The following SCAPER variants were observed in gnomAD, a reference collection of about 807,000 sequenced individuals.
SCAPER encodes the protein S phase cyclin A-associated protein in the endoplasmic reticulum.
Under a neutral mutation model 182.2 loss-of-function variants are expected in SCAPER, and 98 were observed. The ratio of observed to expected loss-of-function variants is 0.54; its 90% CI spans 0.46 to 0.64. The LOEUF is 0.64. SCAPER is among the 30% of genes least tolerant of loss of function. The pLI is 0.00. For synonymous variants in SCAPER, 605 were observed against 564.6 expected, an observed-to-expected ratio of 1.07 and a Z score of -1.01; for missense variants, 1,432 against 1,690.0, an observed-to-expected ratio of 0.85 and a Z score of 2.68.
chr15:76,766,042 C>T (rs2063092491), intron 11 of SCAPER, among the ~76,000 whole-genome samples: 1 of 151,912 alleles, frequency 6.6e-6, no homozygotes, highest in Non-Finnish European at 1.5e-5. Flanking sequence ...CATATATATC[C>T]TAAGCACTTA....
At chr15:76,666,249 C>T (rs368107685) in intron 20 of SCAPER, among the ~76,000 whole-genome samples, 4 of 152,076 alleles carry the variant, frequency 2.6e-5, no homozygotes, top group African/African-American at 9.7e-5. Context: ...TGTGAACATA[C>T]GGATATTAGG....
chr15:76,869,713 TAA>T (rs2072556266), intron 2 of SCAPER, among the ~76,000 whole-genome samples: 1 of 152,000 alleles, frequency 6.6e-6, no homozygotes, highest in Admixed American at 6.5e-5. Flanking sequence ...CCAAAAAAAC[TAA>T]AAAGAGAATC....
At chr15:76,436,044 C>T (rs898402503) in intron 25 of SCAPER, among the ~76,000 whole-genome samples, 5 of 152,002 alleles carry the variant, frequency 3.3e-5, no homozygotes, top group Non-Finnish European at 7.4e-5. Context: ...TCCTCCCATT[C>T]ATTTTCTTTG....
At chr15:76,801,960 CAA>C (rs1330034957) in intron 6 of SCAPER, among the ~76,000 whole-genome samples, 2 of 151,654 alleles carry the variant, frequency 1.3e-5, no homozygotes, top group East Asian at 3.9e-4. Flanking sequence ...ACCACAGTGC[CAA>C]GAGAGGAATG....
intron 24 of SCAPER, among the ~76,000 whole-genome samples, chr15:76,501,575 G>C (rs1208492195): frequency 6.6e-6 from 1 of 152,150 alleles, no homozygotes; most frequent in African/African-American, 2.4e-5. Flanking sequence ...GTTTCAACAG[G>C]GTAACTGTTA....
At chr15:76,617,483 G>C (rs1426178518) in intron 22 of SCAPER, among the ~76,000 whole-genome samples, 1 of 152,144 alleles carries the variant, frequency 6.6e-6, no homozygotes, top group Admixed American at 6.5e-5. Context: ...AGTTTGACCT[G>C]GGCTCAGCTA....
intron 21 of SCAPER, among the ~76,000 whole-genome samples, chr15:76,634,870 T>A (rs928883665): frequency 1.3e-5 from 2 of 152,006 alleles, no homozygotes; most frequent in African/African-American, 4.8e-5. Context: ...TGTGTGTGTG[T>A]GTATTATTTA....
intron 14 of SCAPER, among the ~76,000 whole-genome samples, chr15:76,762,305 T>G (rs2062836003): frequency 1.3e-5 from 2 of 152,028 alleles, no homozygotes; most frequent in Admixed American, 6.5e-5. Flanking sequence ...TTATTTTCTC[T>G]TTGTTCTGCA....
intron 24 of SCAPER, among the ~76,000 whole-genome samples, chr15:76,482,796 G>A (rs2051255613): frequency 1.3e-5 from 2 of 151,980 alleles, no homozygotes; most frequent in Admixed American, 6.6e-5. Context: ...TAACAAATAT[G>A]TATATACCCT....
chr15:76,800,847 A>G (rs1199575874), intron 6 of SCAPER, among the ~76,000 whole-genome samples: 1 of 152,200 alleles, frequency 6.6e-6, no homozygotes, highest in African/African-American at 2.4e-5. Context: ...TTAATCACTC[A>G]CGAGAGTAGG....
At chr15:76,805,944 T>A (rs1344769590) in intron 5 of SCAPER, among the ~76,000 whole-genome samples, 2 of 152,222 alleles carry the variant, frequency 1.3e-5, no homozygotes, top group Non-Finnish European at 2.9e-5. Context: ...CTTTTTATTG[T>A]TGAGCTATAA....
chr15:76,686,071 A>C (rs1303124093), intron 20 of SCAPER, among the ~76,000 whole-genome samples: 1 of 152,072 alleles, frequency 6.6e-6, no homozygotes, highest in East Asian at 1.9e-4. Context: ...CAATATTGAT[A>C]AATTTGATTG....
chr15:76,826,076 A>G lies in SCAPER; in HGVS notation c.393+15658T>C, dbSNP rs530723217. On this transcript the variant is annotated intron_variant, in intron 5 of 31. Coordinates refer to ENST00000563290, the MANE Select transcript of SCAPER (RefSeq NM_020843.4). ...AAGATCTGTTTTCTATGTTGCAGTCATTATCTGAAAAATTTCTATCATTTC... is the reference window on the plus strand; with the variant it reads ...AAGATCTGTTTTCTATGTTGCAGTCGTTATCTGAAAAATTTCTATCATTTC... Among the ~76,000 whole-genome samples, 17 of 152,298 alleles carry G rather than the reference A, an allele frequency of 1.1e-4. No individual in the cohort carries two copies. The East Asian group carries it at 3.3e-3, about 29-fold the overall frequency.
At position 76,473,269 on chromosome 15, in the gene SCAPER, G is replaced by C. The variant is rs78999675; in HGVS notation, c.2955-1934C>G. The stretch of plus-strand genomic sequence containing the variant: ...GCTAGTCCATTGAAGAAGGGAGTTT[G>C]AAAGTTGTTGTACACCGTTAACGAT... On this transcript the variant is annotated intron_variant, in intron 24 of 31. Transcript: ENST00000563290. 9.6e-3 allele frequency among the ~76,000 whole-genome samples: 1,460 copies of C among 152,336 alleles called. 21 individuals are homozygous for C. The highest frequency in any genetic ancestry group is 0.033 in the African/African-American group (1,381 of 41,574).
chr15:76,561,564 G>C (rs148872353), intron 23 of SCAPER, among the ~76,000 whole-genome samples: 1 of 152,080 alleles, frequency 6.6e-6, no homozygotes, highest in African/African-American at 2.4e-5. Context: ...TACCAGCTTT[G>C]AGTAACTTTT....
At chr15:76,880,565 T>G (rs1043924890) in intron 2 of SCAPER, among the ~76,000 whole-genome samples, 2 of 152,186 alleles carry the variant, frequency 1.3e-5, no homozygotes, top group African/African-American at 4.8e-5. Context: ...TTTCAGGTTT[T>G]TGGACATATT....
At chr15:76,416,475 C>T (rs957081322) in intron 26 of SCAPER, among the ~76,000 whole-genome samples, 22 of 141,824 alleles carry the variant, frequency 1.6e-4, no homozygotes, top group Admixed American at 3.0e-4. Context: ...GGTGGCAGAG[C>T]GAGACTCCAT....
At chr15:76,553,513 A>G (rs62030372) in intron 23 of SCAPER, among the ~76,000 whole-genome samples, 12,672 of 152,258 alleles carry the variant, frequency 0.083, 602 homozygotes, top group Middle Eastern at 0.12. Context: ...GCTAGCACAC[A>G]TGAATGAGCA....
At chr15:76,498,854 C>T (rs1052559958) in intron 24 of SCAPER, among the ~76,000 whole-genome samples, 1 of 151,918 alleles carries the variant, frequency 6.6e-6, no homozygotes, top group South Asian at 2.1e-4. Context: ...TCACATCATT[C>T]GAATTTTTTT....
Sources: allele counts gnomAD v4.1 joint callset (sites outside exome capture counted in the v4.1 genomes callset), GRCh38; gene constraint gnomAD v4.1.1; transcripts MANE v1.5; gene names NCBI Gene and HGNC (gene_info 2026-07-23, HGNC 2026-07-21).